Variants in ANKDD1B observed in about 807,000 individuals in gnomAD.
ANKDD1B encodes ankyrin repeat and death domain containing 1B.
In ANKDD1B, 57 loss-of-function variants were observed where a neutral mutation model predicts 59.7. The observed-to-expected ratio is 0.95, with a 90% CI of 0.77 to 1.19. The LOEUF (loss-of-function observed/expected upper bound fraction) is 1.19, where lower values mean the gene tolerates loss of function less well. Ranked by LOEUF, ANKDD1B falls within the 50% of genes most tolerant of loss-of-function variation. ANKDD1B has a pLI of 0.00. For missense variants in ANKDD1B, 602 were observed against 641.9 expected (o/e 0.94, Z 0.67); for synonymous variants, 216 against 239.5 (o/e 0.90, Z 0.91).
intron 13 of ANKDD1B, 104 bp downstream of exon 13, chr5:75,669,487 G>A: frequency 6.6e-6 from 7 of 1,055,158 alleles, no homozygotes; most frequent in Non-Finnish European, 8.5e-6. Context: ...CGTGGTGTTA[G>A]CTGTGGCTCA....
At chr5:75,611,938 G>A in intron 1 of ANKDD1B, 111 bp downstream of exon 1, 3 of 924,978 alleles carry the variant, frequency 3.2e-6, no homozygotes, top group South Asian at 5.6e-5. Flanking sequence ...AGGGAAACTG[G>A]CGAGGCGACT....
At chr5:75,652,008 G>T (rs1054615323) in intron 7 of ANKDD1B, among the ~76,000 whole-genome samples, 5 of 152,154 alleles carry the variant, frequency 3.3e-5, no homozygotes, top group African/African-American at 1.2e-4. Context: ...TTCCACCCAG[G>T]GTTCATCTGG....
At chr5:75,639,244 G>T (rs34343) in intron 7 of ANKDD1B, among the ~76,000 whole-genome samples, 128,014 of 152,158 alleles carry the variant, frequency 0.84, 54,194 homozygotes, top group African/African-American at 0.94. Flanking sequence ...TTGCCCAGGC[G>T]GGAGTACAAT....
chr5:75,651,964 C>CT (rs1391469097), intron 7 of ANKDD1B, among the ~76,000 whole-genome samples: 1 of 152,144 alleles, frequency 6.6e-6, no homozygotes, highest in Non-Finnish European at 1.5e-5. Flanking sequence ...TCTCTGGCCT[C>CT]TTTTTGCAAG....
intron 5 of ANKDD1B, among the ~76,000 whole-genome samples, chr5:75,632,543 G>A (rs973994994): frequency 2.2e-4 from 34 of 152,330 alleles, no homozygotes; most frequent in African/African-American, 7.7e-4. Context: ...CTGTGGCCAA[G>A]GGATAGGTGG....
At chr5:75,611,976 G>A (rs1773571464) in intron 1 of ANKDD1B, 149 bp downstream of exon 1, 8 of 547,724 alleles carry the variant, frequency 1.5e-5, no homozygotes, top group Middle Eastern at 1.1e-3. Context: ...GTCCCAGCCT[G>A]CACCGCTGCA....
In ANKDD1B at chr5:75,611,675, C is replaced by A; in HGVS notation, c.41C>A (p.Ala14Glu). ...CGCGCCCGGGGCCAAGGGGCCACGGCAGGGGGGCTGCTGCTCCGGGCTGCT... is the reference window on the plus strand; with the variant it reads ...CGCGCCCGGGGCCAAGGGGCCACGGAAGGGGGGCTGCTGCTCCGGGCTGCT... Reference protein sequence around the residue: ...AGRARGQGATAGGLLLRAAAA... With the variant: ...AGRARGQGATEGGLLLRAAAA... The change falls in exon 1 of 14, where the codon GCA (alanine) becomes GAA (glutamate). Residue 14 changes from alanine to glutamate, a missense_variant. Ala to Glu is a moderately radical substitution (Grantham distance 107). Coordinates refer to ENST00000601380, the MANE Select transcript of ANKDD1B (RefSeq NM_001276713.2). 8.1e-7 allele frequency: 1 copy of A among 1,231,788 alleles called. No homozygotes were observed. The highest frequency in any genetic ancestry group is 1.5e-5 in the African/African-American group (1 of 64,518). 76.3% of individuals were successfully genotyped at this position (1,231,788 alleles called of 1,614,324 possible).
chr5:75,635,341 C>A (rs1009210245), intron 6 of ANKDD1B: 1 of 222,896 alleles, frequency 4.5e-6, no homozygotes, highest in East Asian at 9.4e-5. Flanking sequence ...GGTAGACGTC[C>A]ATATCTATAT....
chr5:75,611,869 C>T (rs1008016430), intron 1 of ANKDD1B, 42 bp downstream of exon 1: 2 of 1,228,040 alleles, frequency 1.6e-6, no homozygotes, highest in Non-Finnish European at 1.0e-6. Context: ...GGCTGCGGGG[C>T]GGGCTGGGTC....
In ANKDD1B at chr5:75,635,825, C is replaced by A; in HGVS notation, c.741C>A (p.His247Gln). ...TALHLAAKHG[H>Q]SPAVQVLLAQ... ...TGCACCTCGCTGCGAAGCATGGTCA[C>A]AGTCCTGCAGTGCAGGTGCTGCTAG... The change falls in exon 7 of 14, where the codon CAC (histidine) becomes CAA (glutamine). Residue 247 changes from histidine to glutamine, a missense_variant. Around this residue, in one of 3 missense-constraint regions of ANKDD1B, gnomAD observed 317 missense variants for 304.6 expected, o/e 1.04. Coordinates refer to ENST00000601380, the MANE Select transcript of ANKDD1B (RefSeq NM_001276713.2). The A allele has an allele frequency of 6.5e-7, 1 of 1,533,662 alleles. No individual in the cohort carries two copies. The highest frequency in any genetic ancestry group is 1.4e-5 in the African/African-American group (1 of 72,976).
At chr5:75,620,084 T>C (rs1773806034) in intron 2 of ANKDD1B, among the ~76,000 whole-genome samples, 1 of 152,202 alleles carries the variant, frequency 6.6e-6, no homozygotes, top group African/African-American at 2.4e-5. Flanking sequence ...AAGAATTTCA[T>C]CTTGCGGCGT....
intron 10 of ANKDD1B, among the ~76,000 whole-genome samples, chr5:75,659,958 G>A (rs777779416): frequency 1.8e-4 from 28 of 151,654 alleles, no homozygotes; most frequent in Admixed American, 3.9e-4. Flanking sequence ...ATAGTATAGC[G>A]TGGCACAGAC....
chr5:75,637,707 A>G (rs1331038292), intron 7 of ANKDD1B, among the ~76,000 whole-genome samples: 1 of 152,212 alleles, frequency 6.6e-6, no homozygotes, highest in Non-Finnish European at 1.5e-5. Context: ...AATAAGCAAG[A>G]TAACTCAGTT....
In ANKDD1B at chr5:75,661,415, A is replaced by AAAAAAAAG. The variant is rs1554069987; in HGVS notation, c.1096-1972_1096-1971insGAAAAAAA. On this transcript the variant is annotated intron_variant, in intron 10 of 13. Transcript: ENST00000601380. Reference sequence around the variant, plus strand: ...CCGTCTGAAAAAAAAAAAAAAAAAAAAAAAAAAAAAGTAACACAGGCCCAC... The same window carrying AAAAAAAAG: ...CCGTCTGAAAAAAAAAAAAAAAAAAAAAAAAAAGAAAAAAAAAAGTAACACAGGCCCAC... Among the ~76,000 whole-genome samples the AAAAAAAAG allele has an allele frequency of 4.8e-4, 67 of 138,408 alleles. 1 individual carries two copies. The East Asian group carries it at 0.012, about 25-fold the overall frequency. The allele number at this position is 138,408 out of a possible 152,430, so 90.8% of individuals were successfully genotyped here.
intron 10 of ANKDD1B, among the ~76,000 whole-genome samples, chr5:75,663,003 A>G (rs903295493): frequency 6.6e-6 from 1 of 152,164 alleles, no homozygotes; most frequent in Non-Finnish European, 1.5e-5. Context: ...GGCTCCTGCC[A>G]TCATGTCAGC....
intron 10 of ANKDD1B, among the ~76,000 whole-genome samples, chr5:75,660,636 C>T (rs1210046715): frequency 6.6e-6 from 1 of 152,166 alleles, no homozygotes; most frequent in Non-Finnish European, 1.5e-5. Flanking sequence ...TGTTAGGTTC[C>T]AGCTTTACTG....
chr5:75,660,220 G>C (rs1028048069), intron 10 of ANKDD1B, among the ~76,000 whole-genome samples: 2 of 152,160 alleles, frequency 1.3e-5, no homozygotes, highest in Admixed American at 6.5e-5. Flanking sequence ...TTGCAAAAGT[G>C]AAACTTTACA....
intron 11 of ANKDD1B, among the ~76,000 whole-genome samples, chr5:75,665,159 G>C (rs1775274004): frequency 6.6e-6 from 1 of 152,212 alleles, no homozygotes; most frequent in South Asian, 2.1e-4. Flanking sequence ...ACCAGTTCTG[G>C]CTCATGTTAT....
chr5:75,663,803 C>T (rs1372906472), intron 11 of ANKDD1B, among the ~76,000 whole-genome samples: 2 of 152,232 alleles, frequency 1.3e-5, no homozygotes, highest in Non-Finnish European at 2.9e-5. Context: ...CCTCTGTCCA[C>T]AGTCTGGCCA....
Sources: gnomAD v4.1 joint callset for allele counts (sites outside exome capture counted in the v4.1 genomes callset) on GRCh38, gnomAD v4.1.1 for gene constraint, gnomAD v4.1.1 regional missense constraint, MANE v1.5 for transcripts, NCBI Gene and HGNC (gene_info 2026-07-23, HGNC 2026-07-21) for gene names.